The following A1CF variants were observed in gnomAD, a reference collection of about 807,000 sequenced individuals.
A1CF encodes the protein APOBEC1 complementation factor, also known as APOBEC-1 stimulating protein.
In A1CF, 48 loss-of-function variants were observed where a neutral mutation model predicts 68.9. The observed-to-expected ratio is 0.70, with a 90% CI of 0.55 to 0.89. A1CF has a LOEUF of 0.89. Among genes scored for constraint, A1CF ranks in the 40% least tolerant of loss-of-function variants. The probability of loss-of-function intolerance (pLI) is 0.00; values close to 1 mark genes in which losing one functional copy is unlikely to be tolerated. For synonymous variants in A1CF, 272 were observed against 260.4 expected, an observed-to-expected ratio of 1.04 and a Z score of -0.43; for missense variants, 653 against 718.9, an observed-to-expected ratio of 0.91 and a Z score of 1.05.
At chr10:50,818,063 C>T (rs1838456973) in intron 8 of A1CF, among the ~76,000 whole-genome samples, 1 of 152,096 alleles carries the variant, frequency 6.6e-6, no homozygotes. Context: ...CACCCCATCT[C>T]CAATCAGTTC....
At chr10:50,884,535 T>C (rs1841920593) in intron 1 of A1CF, among the ~76,000 whole-genome samples, 2 of 152,214 alleles carry the variant, frequency 1.3e-5, no homozygotes, top group South Asian at 4.1e-4. Context: ...GCACACGTTA[T>C]AAAGAAAATT....
At chr10:50,882,337 G>A (rs1330783828) in intron 1 of A1CF, among the ~76,000 whole-genome samples, 1 of 152,098 alleles carries the variant, frequency 6.6e-6, no homozygotes, top group East Asian at 1.9e-4. Flanking sequence ...TCGGGAGGCT[G>A]AGGCACAAGA....
chr10:50,878,511 C>T lies in A1CF; in HGVS notation c.-94+7070G>A, dbSNP rs569527576. ...CAAGTGGTAGAGCCAGAATTTGTAT[C>T]CAAGCATTCCAGATCCAGAGCCTTC... On this transcript the variant is annotated intron_variant, in intron 1 of 12. Transcript: ENST00000373997. 7.2e-5 allele frequency among the ~76,000 whole-genome samples: 11 copies of T among 152,302 alleles called. No homozygotes were observed. In the East Asian group the frequency reaches 2.1e-3, roughly 29 times the overall value.
intron 3 of A1CF, among the ~76,000 whole-genome samples, chr10:50,853,468 A>G (rs1487389273): frequency 6.6e-6 from 1 of 152,052 alleles, no homozygotes; most frequent in Non-Finnish European, 1.5e-5. Flanking sequence ...ATGATCTGTA[A>G]TTACTTTGCT....
intron 4 of A1CF, among the ~76,000 whole-genome samples, chr10:50,843,314 T>C (rs1839860501): frequency 6.6e-6 from 1 of 152,172 alleles, no homozygotes; most frequent in Non-Finnish European, 1.5e-5. Context: ...ATGTGTAAAA[T>C]TAGGTGCAGT....
intron 1 of A1CF, among the ~76,000 whole-genome samples, chr10:50,869,242 G>T (rs1233789800): frequency 6.6e-6 from 1 of 152,052 alleles, no homozygotes; most frequent in Non-Finnish European, 1.5e-5. Flanking sequence ...TAACTTGAAG[G>T]TTCTTTTAAG....
At chr10:50,873,364 G>A (rs979319002) in intron 1 of A1CF, among the ~76,000 whole-genome samples, 1 of 152,076 alleles carries the variant, frequency 6.6e-6, no homozygotes, top group African/African-American at 2.4e-5. Context: ...ATCTCATGAG[G>A]TTGCAATGGA....
At chr10:50,830,593 A>G (rs1299154757) in intron 6 of A1CF, among the ~76,000 whole-genome samples, 1 of 152,174 alleles carries the variant, frequency 6.6e-6, no homozygotes, top group Non-Finnish European at 1.5e-5. Context: ...TTAAAACTGT[A>G]AAATATTGAT....
At chr10:50,813,470 T>C (rs1838217440) in intron 10 of A1CF, among the ~76,000 whole-genome samples, 1 of 152,172 alleles carries the variant, frequency 6.6e-6, no homozygotes, top group African/African-American at 2.4e-5. Flanking sequence ...TCCTAAATGG[T>C]CTATTCAGGG....
intron 1 of A1CF, 132 bp downstream of exon 1, chr10:50,885,449 A>G (rs1841961938): frequency 6.6e-6 from 1 of 152,246 alleles, no homozygotes; most frequent in Non-Finnish European, 1.5e-5. Context: ...TCTAAAAACA[A>G]GCTAGATAAT....
In A1CF at chr10:50,801,010, C is replaced by G. The variant is rs993758526; in HGVS notation, c.*5719G>C. On this transcript the variant is annotated 3_prime_UTR_variant, in exon 13 of 13. Transcript: ENST00000373997. ...AACCAATAAATGCTCTAATACCCTA[C>G]TAGTGCCCTGTGGATCTCTACAGAC... The G allele has an allele frequency of 2.6e-5, 4 of 152,238 alleles. No homozygotes were observed. Among genetic ancestry groups the G allele is most frequent in the Non-Finnish European group, 5.9e-5 (4 of 68,060 alleles). The allele number at this position is 152,238 out of a possible 1,614,324, so 9.4% of individuals were successfully genotyped here.
intron 10 of A1CF, among the ~76,000 whole-genome samples, chr10:50,812,502 C>T (rs1261965189): frequency 6.6e-6 from 1 of 152,168 alleles, no homozygotes; most frequent in Non-Finnish European, 1.5e-5. Flanking sequence ...ATGAAGAGAT[C>T]TCTTTTCATA....
chr10:50,810,365 A>T (rs938139565), intron 11 of A1CF, among the ~76,000 whole-genome samples: 2 of 152,238 alleles, frequency 1.3e-5, no homozygotes, highest in African/African-American at 2.4e-5. Flanking sequence ...GGTGATATCC[A>T]CTAACAGAGA....
chr10:50,858,527 A>G (rs527737536), intron 3 of A1CF, among the ~76,000 whole-genome samples: 1 of 152,218 alleles, frequency 6.6e-6, no homozygotes. Context: ...TCTATCTTAT[A>G]TTATGGGTCA....
At chr10:50,812,029 A>G (rs1429672322) in intron 10 of A1CF, among the ~76,000 whole-genome samples, 1 of 152,238 alleles carries the variant, frequency 6.6e-6, no homozygotes, top group African/African-American at 2.4e-5. Context: ...TATGCTAACT[A>G]ACCCAGCTGC....
chr10:50,810,019 A>G lies in A1CF; in HGVS notation c.1484T>C (p.Leu495Pro), dbSNP rs1468197506. 4.3e-6 allele frequency: 7 copies of G among 1,613,920 alleles called. No individual in the cohort carries two copies. The highest frequency in any genetic ancestry group is 5.1e-6 in the Non-Finnish European group (6 of 1,179,892). The change falls in exon 12 of 13, where the codon CTG (leucine) becomes CCG (proline). Residue 495 changes from leucine to proline, a missense_variant. Transcript: ENST00000373997. ...PAIHPFTPPK[L>P]SAFVDEAKTY... ...CTTTGCTTCATCCACAAAGGCACTCAGCTTTGGAGGTGTGAAAGGGTGGCT... is the reference window on the plus strand; with the variant it reads ...CTTTGCTTCATCCACAAAGGCACTCGGCTTTGGAGGTGTGAAAGGGTGGCT...
At chr10:50,879,185 G>A (rs1015891217) in intron 1 of A1CF, among the ~76,000 whole-genome samples, 1 of 152,182 alleles carries the variant, frequency 6.6e-6, no homozygotes, top group Non-Finnish European at 1.5e-5. Flanking sequence ...GGGAGCATCT[G>A]AGTCTCAATT....
intron 10 of A1CF, among the ~76,000 whole-genome samples, chr10:50,812,192 G>A (rs1274236558): frequency 6.6e-6 from 1 of 152,162 alleles, no homozygotes; most frequent in Non-Finnish European, 1.5e-5. Flanking sequence ...GCTTTTGCTG[G>A]TAGATATTAT....
chr10:50,873,734 A>C (rs571032576), intron 1 of A1CF, among the ~76,000 whole-genome samples: 24 of 152,232 alleles, frequency 1.6e-4, no homozygotes, highest in African/African-American at 5.3e-4. Context: ...CTGTTTGTTG[A>C]AGTTTAAAAT....
Sources: allele counts gnomAD v4.1 joint callset (sites outside exome capture counted in the v4.1 genomes callset), GRCh38; gene constraint gnomAD v4.1.1; transcripts MANE v1.5; gene names NCBI Gene and HGNC (gene_info 2026-07-23, HGNC 2026-07-21).